Variants in THRA observed in about 807,000 individuals in gnomAD.
The protein encoded by THRA is thyroid hormone receptor alpha, also known as EAR-7.
In THRA, 13 loss-of-function variants were observed where a neutral mutation model predicts 45.0. The observed-to-expected ratio is 0.29, with a 90% CI of 0.19 to 0.46. The LOEUF (loss-of-function observed/expected upper bound fraction) is 0.46, where lower values mean the gene tolerates loss of function less well. Ranked by LOEUF, THRA falls within the 20% of genes least tolerant of loss-of-function variation. The pLI is 1.00. For missense variants in THRA, 278 were observed against 556.1 expected, an observed-to-expected ratio of 0.50 and a Z score of 5.03; for synonymous variants, 195 against 214.0, an observed-to-expected ratio of 0.91 and a Z score of 0.78.
chr17:40,093,650 A>G (rs948197097), downstream of THRA: 18 of 652,534 alleles, frequency 2.8e-5, no homozygotes, highest in Non-Finnish European at 3.1e-5. The surrounding 1 kb of genome is among the most constrained non-coding windows in gnomAD (Gnocchi z 5.9). Context: ...GCCCCAACTC[A>G]AGTGTCACCT....
chr17:40,093,319 G>A (rs185488109), downstream of THRA: 60 of 1,613,294 alleles, frequency 3.7e-5, no homozygotes, highest in East Asian at 1.0e-3. This position sits in a 1 kb window ranked among gnomAD's most constrained non-coding sequence, Gnocchi z 5.9. Flanking sequence ...CGGACTCCCC[G>A]AGCTCCTCTG....
chr17:40,085,733 T>C (rs1046677772), intron 6 of THRA, among the ~76,000 whole-genome samples: 8 of 151,400 alleles, frequency 5.3e-5, no homozygotes, highest in African/African-American at 1.9e-4. Flanking sequence ...AACCTCTACC[T>C]CCCGGCTTCA....
chr17:40,065,034 C>T (rs187263013), intron 1 of THRA, among the ~76,000 whole-genome samples: 127 of 147,388 alleles, frequency 8.6e-4, no homozygotes, highest in African/African-American at 2.9e-3. Context: ...AGCCACTGTG[C>T]GGGAATGGGC....
At position 40,090,033 on chromosome 17, in the gene THRA, A is replaced by G. The variant is rs73983006; in HGVS notation, c.*577A>G. On this transcript the variant is annotated 3_prime_UTR_variant, in exon 9 of 9. Transcript: ENST00000450525. ...GAAGACAAATGAAGAAAAACTAGAC[A>G]GAGAGAAAAATACAAAAAAGAGAGA... 131,615 of 986,096 alleles carry G rather than the reference A, an allele frequency of 0.13. 10,639 individuals carry two copies. The highest frequency in any genetic ancestry group is 0.58 in the East Asian group (5,211 of 8,936). 61.1% of individuals were successfully genotyped at this position (986,096 alleles called of 1,614,324 possible). A position where few individuals can be genotyped will look rare whatever the true frequency, so the allele number is the denominator to read the frequency against.
chr17:40,089,019 A>G lies in THRA; in HGVS notation c.983-187A>G, dbSNP rs1399576018. On this transcript the variant is annotated intron_variant, in intron 8 of 8. Coordinates refer to ENST00000450525, the MANE Select transcript of THRA (RefSeq NM_199334.5). This position sits in a 1 kb window ranked among gnomAD's most constrained non-coding sequence, Gnocchi z 6.1. ...ACCCCCCTGCCCCTCTCCACTTCCC[A>G]GCTGCCTCCCTCTCCCTGTGCTTCT... 2.4e-5 allele frequency among the ~76,000 whole-genome samples: 1 copy of G among 42,194 alleles called. No individual in the cohort carries two copies. 27.7% of individuals were successfully genotyped at this position (42,194 alleles called of 152,430 possible).
In THRA at chr17:40,083,815, C is replaced by A; in HGVS notation, c.223-20C>A. 6.3e-7 allele frequency: 1 copy of A among 1,583,084 alleles called. No homozygotes were observed. Among genetic ancestry groups the A allele is most frequent in the Non-Finnish European group, 8.6e-7 (1 of 1,162,892 alleles). ...GAAGCCATGTCATGATCACAGCCTG[C>A]TCCATCTCCCCCACCCCAGGGCTTC... On this transcript the variant is annotated intron_variant, in intron 4 of 8. Transcript: ENST00000450525.
chr17:40,084,188 C>T (rs539741529), intron 5 of THRA, among the ~76,000 whole-genome samples: 1 of 152,290 alleles, frequency 6.6e-6, no homozygotes, highest in South Asian at 2.1e-4. Context: ...CCAATGCCTA[C>T]CTGCCTTACA....
intron 4 of THRA, among the ~76,000 whole-genome samples, chr17:40,082,366 C>A (rs187687562): frequency 6.1e-4 from 93 of 151,884 alleles, no homozygotes; most frequent in African/African-American, 2.2e-3. Flanking sequence ...AGGCATGTGC[C>A]ACCATTCCCG....
At chr17:40,066,922 A>G (rs868798150) in intron 1 of THRA, among the ~76,000 whole-genome samples, 2 of 152,242 alleles carry the variant, frequency 1.3e-5, no homozygotes, top group South Asian at 2.1e-4. Flanking sequence ...TTGAGGAAAA[A>G]TGTTTTTAAA....
At chr17:40,067,826 T>C (rs536926147) in intron 1 of THRA, among the ~76,000 whole-genome samples, 1 of 152,322 alleles carries the variant, frequency 6.6e-6, no homozygotes, top group Admixed American at 6.5e-5. Flanking sequence ...ATGATCAGCC[T>C]GGTCAACATA....
intron 2 of THRA, among the ~76,000 whole-genome samples, chr17:40,076,519 G>A (rs992775769): frequency 1.3e-5 from 2 of 152,144 alleles, no homozygotes; most frequent in African/African-American, 4.8e-5. Flanking sequence ...TGTTCTAAAG[G>A]CTACATAGCT....
At chr17:40,063,603 G>A (rs976853665) in intron 1 of THRA, among the ~76,000 whole-genome samples, 14 of 152,182 alleles carry the variant, frequency 9.2e-5, no homozygotes, top group Non-Finnish European at 1.8e-4. Flanking sequence ...GGAGAGGGAA[G>A]TTCCCCCGCC....
At chr17:40,093,026 G>T (rs774565016), downstream of THRA, 1 of 1,612,102 alleles carries the variant, frequency 6.2e-7, no homozygotes, top group Non-Finnish European at 8.5e-7. The surrounding 1 kb of genome is among the most constrained non-coding windows in gnomAD (Gnocchi z 5.9). Context: ...AAAGGAGAGA[G>T]AAGTGCAGAG....
intron 1 of THRA, among the ~76,000 whole-genome samples, chr17:40,068,168 G>A (rs889357355): frequency 6.6e-6 from 1 of 152,226 alleles, no homozygotes; most frequent in African/African-American, 2.4e-5. Context: ...TCACTGGCTG[G>A]GAGTTGGGAG....
intron 1 of THRA, among the ~76,000 whole-genome samples, chr17:40,064,422 CACAG>C (rs1196866207): frequency 6.6e-6 from 1 of 152,248 alleles, no homozygotes; most frequent in Admixed American, 6.5e-5. Flanking sequence ...AGCCCAGTCA[CACAG>C]ACATCATTGC....
intron 1 of THRA, among the ~76,000 whole-genome samples, chr17:40,073,385 C>T (rs999633029): frequency 1.3e-5 from 2 of 152,202 alleles, no homozygotes; most frequent in Non-Finnish European, 2.9e-5. Flanking sequence ...CACCTGCTTA[C>T]TAGTTGTGTG....
At chr17:40,072,435 G>A (rs1287204457) in intron 1 of THRA, among the ~76,000 whole-genome samples, 4 of 152,152 alleles carry the variant, frequency 2.6e-5, no homozygotes, top group East Asian at 1.9e-4. Context: ...TCCGGCTGGC[G>A]AGTGGATTTT....
At chr17:40,076,729 C>T (rs1339124289) in intron 2 of THRA, 142 bp from the exon 3 acceptor site, 40 of 804,868 alleles carry the variant, frequency 5.0e-5, no homozygotes, top group Non-Finnish European at 7.6e-5. Flanking sequence ...TAAGCATTGT[C>T]AGCTGACCCT....
chr17:40,077,917 C>T (rs1183391255), intron 4 of THRA, among the ~76,000 whole-genome samples: 2 of 152,088 alleles, frequency 1.3e-5, no homozygotes, highest in African/African-American at 4.8e-5. Context: ...AGGCTGGTCT[C>T]GAACTCCTGA....
Sources: gnomAD v4.1 joint callset for allele counts (sites outside exome capture counted in the v4.1 genomes callset) on GRCh38, gnomAD v4.1.1 for gene constraint, Gnocchi (gnomAD v3.1) non-coding constraint, MANE v1.5 for transcripts, NCBI Gene and HGNC (gene_info 2026-07-23, HGNC 2026-07-21) for gene names.